MROH2A: variants seen among roughly 807,000 people sequenced by gnomAD.
MROH2A encodes the protein maestro heat like repeat family member 2A.
A neutral mutation model predicts 200.4 loss-of-function variants in MROH2A; 174 were observed. That is an observed-to-expected ratio of 0.87 (90% CI 0.77 to 0.98). The LOEUF (loss-of-function observed/expected upper bound fraction) is 0.98, where lower values mean the gene tolerates loss of function less well. MROH2A is among the 50% of genes least tolerant of loss of function. The pLI, the probability that MROH2A is intolerant of heterozygous loss-of-function variation, is 0.00. For synonymous variants in MROH2A, 829 were observed against 840.4 expected (o/e 0.99, Z 0.23); for missense variants, 2,045 against 2,139.6 (o/e 0.96, Z 0.87).
At chr2:233,803,056 C>G (rs1702570967) in intron 15 of MROH2A, among the ~76,000 whole-genome samples, 1 of 152,178 alleles carries the variant, frequency 6.6e-6, no homozygotes, top group South Asian at 2.1e-4. Flanking sequence ...TTCCTGGGCT[C>G]ATTGGCTCCC....
At chr2:233,790,036 G>A (rs1181045836) in intron 5 of MROH2A, 22 bp downstream of exon 5, 1 of 1,528,150 alleles carries the variant, frequency 6.5e-7, no homozygotes, top group Non-Finnish European at 8.8e-7. Flanking sequence ...AGGGCCCTCA[G>A]CCGGGCCCAG....
At chr2:233,784,978 T>C (rs1317167242) in intron 3 of MROH2A, among the ~76,000 whole-genome samples, 1 of 152,048 alleles carries the variant, frequency 6.6e-6, no homozygotes, top group Non-Finnish European at 1.5e-5. Flanking sequence ...AAACCCCATC[T>C]CTGCTAAAAA....
chr2:233,802,455 A>C, intron 15 of MROH2A, 140 bp downstream of exon 15: 1 of 925,504 alleles, frequency 1.1e-6, no homozygotes. Flanking sequence ...TAATACTATT[A>C]ATGCCTACCT....
At chr2:233,792,012 G>C (rs1199376605) in intron 5 of MROH2A, among the ~76,000 whole-genome samples, 1 of 152,134 alleles carries the variant, frequency 6.6e-6, no homozygotes, top group East Asian at 1.9e-4. Context: ...TCATCCGTCT[G>C]CTCTTTTTCT....
At chr2:233,806,498 A>G (rs1702798665) in intron 19 of MROH2A, among the ~76,000 whole-genome samples, 2 of 152,228 alleles carry the variant, frequency 1.3e-5, no homozygotes, top group Admixed American at 1.3e-4. Context: ...GGGAAAAAGA[A>G]TATAGCCAGA....
rs1213591338 is a variant in MROH2A, at chr2:233,793,837, C to T, written c.822+13C>T. On this transcript the variant is annotated intron_variant, in intron 7 of 41. Coordinates refer to ENST00000389758, the MANE Select transcript of MROH2A (RefSeq NM_001394639.1). ...CTACAACCCCGAGGTGAGATGCACC[C>T]CTCTTAGGAGGGCCTGGTGGTCCCC... The T allele has an allele frequency of 1.4e-6, 2 of 1,389,670 alleles. No individual in the cohort carries two copies. The highest frequency in any genetic ancestry group is 1.9e-4 in the Middle Eastern group (1 of 5,354). 86.1% of individuals were successfully genotyped at this position (1,389,670 alleles called of 1,614,324 possible).
rs1425708490 is a variant in MROH2A at position 233,818,661 on chromosome 2, C to A, written c.3095C>A (p.Thr1032Asn). The change falls in exon 29 of 42, where the codon ACC becomes AAC. Residue 1032 changes from threonine to asparagine, a missense_variant. This residue lies in a region of MROH2A where 1,201 missense variants were observed against 1,311.3 expected (regional missense o/e 0.92). Transcript: ENST00000389758. Reference sequence around the variant, plus strand: ...GTTGTATTCCCGACAGCAAGCCAGACCTGCTCCTTGTGGGGCCCTTCCAAG... The same window carrying A: ...GTTGTATTCCCGACAGCAAGCCAGAACTGCTCCTTGTGGGGCCCTTCCAAG... Reference protein sequence around the residue: ...SSLLDLHASQTCSLWGPSKQK... With the variant: ...SSLLDLHASQNCSLWGPSKQK... 6.5e-7 allele frequency: 1 copy of A among 1,547,194 alleles called. No homozygotes were observed. The highest frequency in any genetic ancestry group is 8.7e-7 in the Non-Finnish European group (1 of 1,144,298).
rs1191318688 is a variant in MROH2A at position 233,794,382 on chromosome 2, A to T, written c.842A>T (p.Lys281Met). 4.5e-6 allele frequency: 7 copies of T among 1,550,344 alleles called. No individual in the cohort carries two copies. In the South Asian group the frequency reaches 8.3e-5, roughly 18 times the overall value. Residue 281 changes from lysine (K) to methionine (M), a missense_variant, in exon 8 of 42, where the codon AAG becomes ATG. Physicochemically the swap from Lys to Met is moderately conservative, Grantham distance 95. This residue lies in a region of MROH2A where 831 missense variants were observed against 800.0 expected (regional missense o/e 1.04). Coordinates refer to ENST00000389758, the MANE Select transcript of MROH2A (RefSeq NM_001394639.1). ...TGGCAGGTGAAGCTGGGGGTGATCA[A>T]GTCCCTGAAGCCCATGCTCGGCCTC... is the stretch of plus-strand genomic sequence containing the variant. ...YNPEVKLGVI[K>M]SLKPMLGLLL... is the part of the protein sequence containing the mutation.
chr2:233,815,046 C>A (rs1045808834), intron 26 of MROH2A, among the ~76,000 whole-genome samples: 14 of 152,166 alleles, frequency 9.2e-5, no homozygotes, highest in Non-Finnish European at 1.8e-4. Context: ...TGTATTAAAA[C>A]TGATGGCCCA....
rs566235248 is a variant in MROH2A at position 233,807,151 on chromosome 2, T to C, written c.2053-272T>C. Among the ~76,000 whole-genome samples, 35 of 151,326 alleles carry C rather than the reference T, an allele frequency of 2.3e-4. No individual in the cohort carries two copies. The South Asian group carries it at 7.1e-3, about 31-fold the overall frequency. On this transcript the variant is annotated intron_variant, in intron 19 of 41. Coordinates refer to ENST00000389758, the MANE Select transcript of MROH2A (RefSeq NM_001394639.1). This position sits in a 1 kb window ranked among gnomAD's most constrained non-coding sequence, Gnocchi z 4.3. ...TTTGTGGCTGAGTAGTATTCCATTA[T>C]ATATATATATAATATGAACTGATAT...
intron 5 of MROH2A, 36 bp downstream of exon 5, chr2:233,790,050 G>A (rs1701621994): frequency 6.6e-7 from 1 of 1,514,162 alleles, no homozygotes; most frequent in Admixed American, 2.1e-5. Flanking sequence ...GGCCCAGTGT[G>A]CCCTTCTGGT....
At chr2:233,808,704 C>A (rs1306814991) in intron 21 of MROH2A, among the ~76,000 whole-genome samples, 1 of 152,164 alleles carries the variant, frequency 6.6e-6, no homozygotes. Flanking sequence ...GGTGTGAGCA[C>A]CGTGAGGGCA....
chr2:233,787,405 T>C (rs1285915732), intron 3 of MROH2A, among the ~76,000 whole-genome samples: 1 of 131,072 alleles, frequency 7.6e-6, no homozygotes, highest in Non-Finnish European at 1.6e-5. Context: ...TGGATATGTA[T>C]AACACACACA....
Position 233,802,178 on chromosome 2 carries a change from T to C in MROH2A, c.1571T>C (p.Val524Ala). The change falls in exon 15 of 42, where the codon GTG becomes GCG. Residue 524 changes from valine (V) to alanine (A), a missense_variant. By Grantham distance (64) the Val-to-Ala change is moderately conservative. This residue lies in a region of MROH2A where 831 missense variants were observed against 800.0 expected (regional missense o/e 1.04). Coordinates refer to ENST00000389758, the MANE Select transcript of MROH2A (RefSeq NM_001394639.1). ...SVSGMTTEFW[V>A]RLLCYIMETD... ...CCACCCCTACCCCAGGAGTTTTGGG[T>C]GAGGCTGCTGTGCTACATCATGGAG... The C allele has an allele frequency of 6.5e-7, 1 of 1,548,352 alleles. No individual in the cohort carries two copies.
At chr2:233,822,087 A>G in intron 31 of MROH2A, 37 bp from the exon 32 acceptor site, 2 of 1,530,824 alleles carry the variant, frequency 1.3e-6, no homozygotes, top group Non-Finnish European at 1.8e-6. Flanking sequence ...GGCACATGCC[A>G]GGAAACTCAC....
chr2:233,800,457 G>A (rs1337395770), intron 14 of MROH2A, 142 bp downstream of exon 14: 1 of 605,384 alleles, frequency 1.7e-6, no homozygotes, highest in East Asian at 2.9e-5. Flanking sequence ...CAGTTGCCTG[G>A]AATTACTCAA....
At chr2:233,821,457 C>T (rs750132482) in intron 31 of MROH2A, among the ~76,000 whole-genome samples, 21 of 152,212 alleles carry the variant, frequency 1.4e-4, no homozygotes, top group Non-Finnish European at 2.4e-4. Context: ...TTGTGGGTTC[C>T]AATAGTCAGT....
Position 233,816,776 on chromosome 2 carries a change from C to G in MROH2A, c.2857-5C>G. ...CCACTTTGGTGTTCTGGGCTCTACC[C>G]ATAGCTCCTGGAAAAGTGGATCTTG... On this transcript the variant is annotated splice_polypyrimidine_tract_variant and splice_region_variant and intron_variant, in intron 26 of 41. Transcript: ENST00000389758. The G allele has an allele frequency of 6.5e-7, 1 of 1,547,710 alleles. No homozygotes were observed. The highest frequency in any genetic ancestry group is 8.7e-7 in the Non-Finnish European group (1 of 1,144,506).
rs1259811234 is a variant in MROH2A at position 233,787,428 on chromosome 2, CACAT to C, written c.277-2067_277-2064del. 4.2e-3 allele frequency among the ~76,000 whole-genome samples: 546 copies of C among 130,590 alleles called. 3 individuals are homozygous for C. The highest frequency in any genetic ancestry group is 0.015 in the African/African-American group (516 of 34,698). 85.7% of individuals were successfully genotyped at this position (130,590 alleles called of 152,430 possible). Reference sequence around the variant, plus strand: ...TATAACACACACACACACACACACACACATATGTATATACATATACATATATATT... The same window carrying C: ...TATAACACACACACACACACACACACATGTATATACATATACATATATATT... On this transcript the variant is annotated intron_variant, in intron 3 of 41. Coordinates refer to ENST00000389758, the MANE Select transcript of MROH2A (RefSeq NM_001394639.1).
Sources: gnomAD v4.1 joint callset for allele counts (sites outside exome capture counted in the v4.1 genomes callset) on GRCh38, gnomAD v4.1.1 for gene constraint, gnomAD v4.1.1 regional missense constraint, Gnocchi (gnomAD v3.1) non-coding constraint, MANE v1.5 for transcripts, NCBI Gene and HGNC (gene_info 2026-07-23, HGNC 2026-07-21) for gene names.